Variants in LRRTM4 observed in about 807,000 individuals in gnomAD.
The protein encoded by LRRTM4 is leucine-rich repeat transmembrane neuronal protein 4.
Under a neutral mutation model 47.6 loss-of-function variants are expected in LRRTM4, and 25 were observed. That is an observed-to-expected ratio of 0.53 (90% CI 0.38 to 0.73). LRRTM4 has a LOEUF of 0.73. LRRTM4 is among the 30% of genes least tolerant of loss of function. The pLI, the probability that LRRTM4 is intolerant of heterozygous loss-of-function variation, is 0.00. For missense variants in LRRTM4, 638 were observed against 713.4 expected, an observed-to-expected ratio of 0.89 and a Z score of 1.20; for synonymous variants, 311 against 269.5, an observed-to-expected ratio of 1.15 and a Z score of -1.51.
intron 3 of LRRTM4, among the ~76,000 whole-genome samples, chr2:77,070,320 C>A: frequency 6.6e-6 from 1 of 152,094 alleles, no homozygotes; most frequent in Non-Finnish European, 1.5e-5. Flanking sequence ...TTACTTCTGA[C>A]AAACTTTTGC....
At chr2:77,331,872 G>T (rs1239229614) in intron 3 of LRRTM4, among the ~76,000 whole-genome samples, 2 of 152,098 alleles carry the variant, frequency 1.3e-5, no homozygotes, top group Non-Finnish European at 2.9e-5. Context: ...TGCAATGGTG[G>T]TTGGATAGTT....
intron 3 of LRRTM4, among the ~76,000 whole-genome samples, chr2:77,397,845 G>A (rs377562950): frequency 1.3e-5 from 2 of 151,892 alleles, no homozygotes; most frequent in East Asian, 1.9e-4. Context: ...AAGTGTATAC[G>A]ATTCCATTGG....
intron 3 of LRRTM4, among the ~76,000 whole-genome samples, chr2:76,794,268 G>A (rs1675137273): frequency 1.3e-5 from 2 of 152,186 alleles, no homozygotes; most frequent in South Asian, 4.1e-4. Flanking sequence ...GAAGAGAGAA[G>A]GAGCTGTGTC....
chr2:77,082,348 C>T (rs958821245), intron 3 of LRRTM4, among the ~76,000 whole-genome samples: 2 of 151,986 alleles, frequency 1.3e-5, no homozygotes, highest in African/African-American at 4.8e-5. Context: ...GAACTCTATG[C>T]GAGAGGGACC....
chr2:77,378,465 T>C (rs1347158217), intron 3 of LRRTM4, among the ~76,000 whole-genome samples: 2 of 152,138 alleles, frequency 1.3e-5, no homozygotes, highest in Admixed American at 1.3e-4. Context: ...TTGGGATCCA[T>C]CATCTTTCAA....
intron 3 of LRRTM4, among the ~76,000 whole-genome samples, chr2:77,210,706 T>C (rs1166396262): frequency 1.3e-5 from 2 of 152,136 alleles, no homozygotes; most frequent in African/African-American, 4.8e-5. Flanking sequence ...GTTTTCAGGG[T>C]CTGGTGATGT....
intron 3 of LRRTM4, among the ~76,000 whole-genome samples, chr2:77,211,194 A>T (rs1024422287): frequency 1.3e-5 from 2 of 152,230 alleles, no homozygotes; most frequent in African/African-American, 2.4e-5. Flanking sequence ...CCTAAACTCT[A>T]CAGTTGTGAG....
At chr2:77,104,116 T>A (rs942011231) in intron 3 of LRRTM4, among the ~76,000 whole-genome samples, 1 of 152,172 alleles carries the variant, frequency 6.6e-6, no homozygotes, top group Non-Finnish European at 1.5e-5. Flanking sequence ...CCACCTTCCT[T>A]CAGTTGCTCA....
chr2:77,392,348 C>T (rs1280915801), intron 3 of LRRTM4, among the ~76,000 whole-genome samples: 1 of 151,946 alleles, frequency 6.6e-6, no homozygotes, highest in Non-Finnish European at 1.5e-5. Flanking sequence ...GTAGCCCAAC[C>T]GCCTTGGGCA....
intron 3 of LRRTM4, among the ~76,000 whole-genome samples, chr2:77,089,385 G>A (rs976287668): frequency 6.6e-6 from 1 of 150,604 alleles, no homozygotes; most frequent in Non-Finnish European, 1.5e-5. Context: ...TTATTTCCAC[G>A]CCCCAACCTC....
At chr2:77,094,555 G>C (rs1670754320) in intron 3 of LRRTM4, among the ~76,000 whole-genome samples, 1 of 152,102 alleles carries the variant, frequency 6.6e-6, no homozygotes, top group Admixed American at 6.6e-5. Flanking sequence ...AATAGAAATA[G>C]TATGATACAG....
At chr2:77,159,737 G>A (rs1035857184) in intron 3 of LRRTM4, among the ~76,000 whole-genome samples, 2 of 151,924 alleles carry the variant, frequency 1.3e-5, no homozygotes, top group Admixed American at 6.6e-5. Flanking sequence ...GGCAAGAGAA[G>A]CAGGCACACT....
At chr2:77,358,396 G>A (rs1478024410) in intron 3 of LRRTM4, among the ~76,000 whole-genome samples, 4 of 151,982 alleles carry the variant, frequency 2.6e-5, no homozygotes, top group South Asian at 2.1e-4. Context: ...CCTGCCATCC[G>A]CAACCAACCA....
intron 3 of LRRTM4, among the ~76,000 whole-genome samples, chr2:77,125,242 C>T (rs989080834): frequency 6.6e-6 from 1 of 152,156 alleles, no homozygotes; most frequent in Non-Finnish European, 1.5e-5. Context: ...AGGACGTCAT[C>T]TGTGAAATAA....
intron 3 of LRRTM4, among the ~76,000 whole-genome samples, chr2:77,513,171 G>A (rs553495780): frequency 8.5e-5 from 13 of 152,270 alleles, no homozygotes; most frequent in Non-Finnish European, 1.6e-4. Flanking sequence ...ATGTGTATGC[G>A]TGAGTTACAT....
rs1409067613 is a variant in LRRTM4 at position 76,969,764 on chromosome 2, C to G, written c.1552-220848G>C. Among the ~76,000 whole-genome samples the G allele has an allele frequency of 6.6e-5, 10 of 152,006 alleles. 1 individual carries two copies. In the East Asian group the frequency reaches 1.9e-3, roughly 30 times the overall value. Reference sequence around the variant, plus strand: ...CTCAAAATATATCACGTACTATTTGCCTCTTATTTTACCAATGTTATCTTC... The same window carrying G: ...CTCAAAATATATCACGTACTATTTGGCTCTTATTTTACCAATGTTATCTTC... On this transcript the variant is annotated intron_variant, in intron 3 of 3. Transcript: ENST00000409884.
chr2:77,057,706 A>G (rs1573511260), intron 3 of LRRTM4, among the ~76,000 whole-genome samples: 1 of 152,304 alleles, frequency 6.6e-6, no homozygotes, highest in East Asian at 1.9e-4. Context: ...GGACCTCTTA[A>G]GTACTTTTTT....
intron 3 of LRRTM4, among the ~76,000 whole-genome samples, chr2:76,980,471 T>C (rs1300801106): frequency 6.6e-6 from 1 of 152,090 alleles, no homozygotes; most frequent in Admixed American, 6.6e-5. Context: ...AGAAAACAGA[T>C]GGAATAGTCC....
chr2:77,010,096 A>G (rs1231953093), intron 3 of LRRTM4, among the ~76,000 whole-genome samples: 1 of 152,026 alleles, frequency 6.6e-6, no homozygotes. Context: ...AATTCAAGCT[A>G]TTTAACATGT....
Sources: allele counts gnomAD v4.1 joint callset (sites outside exome capture counted in the v4.1 genomes callset), GRCh38; gene constraint gnomAD v4.1.1; transcripts MANE v1.5; gene names NCBI Gene and HGNC (gene_info 2026-07-23, HGNC 2026-07-21).